WWOX: variants seen among roughly 807,000 people sequenced by gnomAD.
WWOX encodes the protein WW domain containing oxidoreductase, also known as WW domain-containing oxidoreductase.
Under a neutral mutation model 46.2 loss-of-function variants are expected in WWOX, and 69 were observed. That is an observed-to-expected ratio of 1.49 (90% CI 1.23 to 1.82). The LOEUF (loss-of-function observed/expected upper bound fraction) is 1.82, where lower values mean the gene tolerates loss of function less well. Ranked by LOEUF, WWOX falls within the 40% of genes most tolerant of loss-of-function variation. The pLI is 0.00. For missense variants in WWOX, 919 were observed against 542.6 expected, an observed-to-expected ratio of 1.69 and a Z score of -6.89; for synonymous variants, 359 against 202.6, an observed-to-expected ratio of 1.77 and a Z score of -6.56.
intron 8 of WWOX, among the ~76,000 whole-genome samples, chr16:78,907,906 T>C (rs762366677): frequency 1.6e-4 from 25 of 152,238 alleles, no homozygotes; most frequent in Admixed American, 3.9e-4. Flanking sequence ...ATTCACCAAC[T>C]GCAAGGGGCT....
At chr16:78,120,576 C>T (rs905958635) in intron 4 of WWOX, among the ~76,000 whole-genome samples, 3 of 84,468 alleles carry the variant, frequency 3.6e-5, no homozygotes, top group South Asian at 3.7e-4. Flanking sequence ...GACTCCGTCT[C>T]AAAAAAAAAA....
intron 8 of WWOX, among the ~76,000 whole-genome samples, chr16:78,908,915 C>A (rs573668059): frequency 1.3e-5 from 2 of 152,312 alleles, no homozygotes; most frequent in Admixed American, 6.5e-5. Flanking sequence ...AATCTTGCAG[C>A]CTCCGGCAGC....
intron 8 of WWOX, among the ~76,000 whole-genome samples, chr16:78,800,303 G>GT (rs763519919): frequency 9.2e-5 from 14 of 151,954 alleles, no homozygotes; most frequent in Non-Finnish European, 2.1e-4. Context: ...GCCAGGGCCT[G>GT]TTTTTCTGTA....
At chr16:78,176,030 G>A in intron 5 of WWOX, among the ~76,000 whole-genome samples, 1 of 152,022 alleles carries the variant, frequency 6.6e-6, no homozygotes, top group East Asian at 1.9e-4. Context: ...ACCCCGCTTT[G>A]GCATAAGTTC....
At chr16:78,787,173 C>G (rs186625568) in intron 8 of WWOX, among the ~76,000 whole-genome samples, 6 of 152,056 alleles carry the variant, frequency 3.9e-5, no homozygotes, top group Non-Finnish European at 7.4e-5. Flanking sequence ...ACAAACAAAA[C>G]AAAAAAAGTT....
intron 8 of WWOX, among the ~76,000 whole-genome samples, chr16:79,171,135 A>C (rs2050692131): frequency 6.6e-6 from 1 of 152,218 alleles, no homozygotes; most frequent in Non-Finnish European, 1.5e-5. Context: ...GAATGCTTGC[A>C]GGAGTTGCCT....
intron 8 of WWOX, among the ~76,000 whole-genome samples, chr16:78,664,307 C>A (rs2047281617): frequency 6.6e-6 from 1 of 152,176 alleles, no homozygotes; most frequent in Non-Finnish European, 1.5e-5. Context: ...ACCCTGACTC[C>A]CAGTGTGGGC....
intron 8 of WWOX, among the ~76,000 whole-genome samples, chr16:78,661,818 C>T (rs1217056921): frequency 6.6e-6 from 1 of 152,202 alleles, no homozygotes; most frequent in African/African-American, 2.4e-5. Flanking sequence ...CGGTGTATCG[C>T]CTGAGTCCAG....
At chr16:78,990,781 A>G (rs1162828476) in intron 8 of WWOX, among the ~76,000 whole-genome samples, 2 of 152,222 alleles carry the variant, frequency 1.3e-5, no homozygotes, top group Non-Finnish European at 2.9e-5. Context: ...CAGACCTGCC[A>G]GGATCCCTCT....
At chr16:78,680,360 G>A (rs2550656) in intron 8 of WWOX, among the ~76,000 whole-genome samples, 109,330 of 151,926 alleles carry the variant, frequency 0.72, 39,679 homozygotes, top group Admixed American at 0.79. Context: ...CCTGAACGAC[G>A]TAAAAAGACC....
chr16:78,459,179 C>T (rs1292666863), intron 8 of WWOX, among the ~76,000 whole-genome samples: 1 of 152,190 alleles, frequency 6.6e-6, no homozygotes, highest in Non-Finnish European at 1.5e-5. Context: ...TAGAGATTAT[C>T]TAGGCCAAGG....
intron 8 of WWOX, among the ~76,000 whole-genome samples, chr16:79,091,782 T>TG (rs1034032451): frequency 1.4e-5 from 2 of 140,776 alleles, no homozygotes; most frequent in African/African-American, 5.3e-5. Context: ...TTTCTTTGTT[T>TG]TTTTTTTTTT....
chr16:78,283,843 G>A (rs2079724846), intron 5 of WWOX, among the ~76,000 whole-genome samples: 1 of 152,140 alleles, frequency 6.6e-6, no homozygotes, highest in Non-Finnish European at 1.5e-5. Context: ...TCACTTTATT[G>A]GATATTGTAA....
intron 8 of WWOX, among the ~76,000 whole-genome samples, chr16:79,070,520 T>C (rs2048530136): frequency 6.6e-6 from 1 of 152,152 alleles, no homozygotes; most frequent in South Asian, 2.1e-4. Flanking sequence ...GTCTGCCTTC[T>C]ATCATGATTG....
rs114822168 is a variant in WWOX at position 78,750,313 on chromosome 16, C to T, written c.1056+317561C>T. ...AAATGAGAGGCACAAAATTTCATAG[C>T]TGTCTTGCCCCTCCTGTGGTCTGTA... On this transcript the variant is annotated intron_variant, in intron 8 of 8. Transcript: ENST00000566780. Among the ~76,000 whole-genome samples, 1,338 of 152,216 alleles carry T rather than the reference C, an allele frequency of 8.8e-3. 20 individuals are homozygous for T. The highest frequency in any genetic ancestry group is 0.031 in the African/African-American group (1,280 of 41,498).
chr16:79,005,195 G>T (rs1266843205), intron 8 of WWOX, among the ~76,000 whole-genome samples: 1 of 152,082 alleles, frequency 6.6e-6, no homozygotes, highest in African/African-American at 2.4e-5. Context: ...ATGTTTGCCT[G>T]TGGACCTCAG....
intron 8 of WWOX, among the ~76,000 whole-genome samples, chr16:78,907,137 A>G (rs929959719): frequency 2.0e-5 from 3 of 152,076 alleles, no homozygotes; most frequent in African/African-American, 7.2e-5. Flanking sequence ...TTTTTTAAGG[A>G]TAGTTTTGTG....
chr16:79,176,442 A>T (rs77629755), intron 8 of WWOX, among the ~76,000 whole-genome samples: 4,073 of 152,308 alleles, frequency 0.027, 203 homozygotes, highest in African/African-American at 0.092. Context: ...GCTCAGGAAG[A>T]AGAGCAAATG....
intron 8 of WWOX, among the ~76,000 whole-genome samples, chr16:78,568,140 C>G (rs184711113): frequency 6.0e-4 from 92 of 152,192 alleles, no homozygotes; most frequent in Middle Eastern, 3.4e-3. Context: ...ATGCATGTGA[C>G]CAGATGGTTC....
Sources: gnomAD v4.1 joint callset for allele counts (sites outside exome capture counted in the v4.1 genomes callset) on GRCh38, gnomAD v4.1.1 for gene constraint, MANE v1.5 for transcripts, NCBI Gene and HGNC (gene_info 2026-07-23, HGNC 2026-07-21) for gene names.